The following MAPRE2 variants were observed in gnomAD, a reference collection of about 807,000 sequenced individuals.
MAPRE2 encodes the protein microtubule associated protein RP/EB family member 2, also known as microtubule-associated protein RP/EB family member 2.
Under a neutral mutation model 43.2 loss-of-function variants are expected in MAPRE2, and 13 were observed. That is an observed-to-expected ratio of 0.30 (90% CI 0.20 to 0.48). The LOEUF is 0.48. Ranked by LOEUF, MAPRE2 falls within the 20% of genes least tolerant of loss-of-function variation. The pLI is 0.99. For synonymous variants in MAPRE2, 135 were observed against 148.8 expected (o/e 0.91, Z 0.68); for missense variants, 161 against 400.2 (o/e 0.40, Z 5.10).
chr18:35,048,593 A>G (rs1292304290), intron 1 of MAPRE2, among the ~76,000 whole-genome samples: 1 of 149,618 alleles, frequency 6.7e-6, no homozygotes, highest in Non-Finnish European at 1.5e-5. Flanking sequence ...ATATGTGTGT[A>G]TGTATACTAT....
Position 35,042,205 on chromosome 18 carries a change from A to G in MAPRE2, c.122+544A>G, listed in dbSNP as rs370123362. Among the ~76,000 whole-genome samples, 8 of 152,276 alleles carry G rather than the reference A, an allele frequency of 5.3e-5. No individual in the cohort carries two copies. In the East Asian group the frequency reaches 1.3e-3, roughly 26 times the overall value. ...GGTGCAGGGATTGACAGCAGAGGTG[A>G]TAGTGTCAGACATTCACCAAAATTT... On this transcript the variant is annotated intron_variant, in intron 1 of 6. Transcript: ENST00000300249.
intron 4 of MAPRE2, among the ~76,000 whole-genome samples, chr18:35,114,513 A>G (rs1909320912): frequency 6.6e-6 from 1 of 152,208 alleles, no homozygotes; most frequent in South Asian, 2.1e-4. Flanking sequence ...GCTCAAAAGC[A>G]GAAGTGTATA....
chr18:35,012,642 AC>A (rs1485118270), intron 2 of MAPRE2, among the ~76,000 whole-genome samples: 2 of 152,224 alleles, frequency 1.3e-5, no homozygotes, highest in African/African-American at 4.8e-5. Context: ...TACACCAGTC[AC>A]AAAAAGACAA....
At chr18:35,010,417 A>G (rs956413592) in intron 2 of MAPRE2, among the ~76,000 whole-genome samples, 3 of 152,080 alleles carry the variant, frequency 2.0e-5, no homozygotes, top group Non-Finnish European at 2.9e-5. Context: ...ACTAAGCTCC[A>G]CTCTCATCTT....
chr18:34,987,831 CG>C (rs1453607535), intron 1 of MAPRE2, among the ~76,000 whole-genome samples: 6 of 151,940 alleles, frequency 3.9e-5, no homozygotes, highest in Non-Finnish European at 1.5e-5. Flanking sequence ...TTTGTAGAGA[CG>C]GGGTTTCACC....
At chr18:34,989,367 A>G (rs958519564) in intron 1 of MAPRE2, among the ~76,000 whole-genome samples, 1 of 151,988 alleles carries the variant, frequency 6.6e-6, no homozygotes, top group African/African-American at 2.4e-5. Flanking sequence ...TGGATGTCCT[A>G]GTTGATTCAA....
chr18:35,101,207 A>C (rs1908662355), intron 3 of MAPRE2, among the ~76,000 whole-genome samples: 1 of 152,174 alleles, frequency 6.6e-6, no homozygotes, highest in African/African-American at 2.4e-5. Flanking sequence ...AGAAGTACTA[A>C]ATATTCCAAG....
chr18:35,043,808 C>G (rs1250929403), intron 1 of MAPRE2, among the ~76,000 whole-genome samples: 2 of 152,082 alleles, frequency 1.3e-5, no homozygotes, highest in African/African-American at 4.8e-5. Context: ...CAGACACATT[C>G]GATGTTTTTC....
intron 2 of MAPRE2, among the ~76,000 whole-genome samples, chr18:35,032,614 G>A (rs150576595): frequency 6.6e-6 from 1 of 152,218 alleles, no homozygotes; most frequent in Non-Finnish European, 1.5e-5. Flanking sequence ...ATTAAAATTC[G>A]AGTTAATGCC....
At chr18:35,041,794 T>C (rs191559598) in intron 1 of MAPRE2, 133 bp downstream of exon 1, 1 of 1,509,478 alleles carries the variant, frequency 6.6e-7, no homozygotes, top group East Asian at 2.4e-5. Flanking sequence ...CGGTTGTGAT[T>C]ATTTGGTATC....
chr18:34,982,038 C>T (rs1384001523), intron 1 of MAPRE2, among the ~76,000 whole-genome samples: 2 of 151,812 alleles, frequency 1.3e-5, no homozygotes, highest in Admixed American at 6.6e-5. Flanking sequence ...CCCCCGCCAC[C>T]ACACCTGGCT....
At chr18:35,133,665 C>T (rs1168939689) in intron 6 of MAPRE2, among the ~76,000 whole-genome samples, 1 of 152,212 alleles carries the variant, frequency 6.6e-6, no homozygotes, top group African/African-American at 2.4e-5. Flanking sequence ...GCACTTCAAA[C>T]GGGGAAACCC....
At chr18:35,057,499 A>AGTGTGTGC (rs1555914283) in intron 1 of MAPRE2, among the ~76,000 whole-genome samples, 52 of 82,192 alleles carry the variant, frequency 6.3e-4, no homozygotes, top group African/African-American at 3.3e-3. Context: ...TACTGCAAGG[A>AGTGTGTGC]GTGTGTGCGT....
At chr18:35,058,618 T>G (rs1044400892) in intron 1 of MAPRE2, among the ~76,000 whole-genome samples, 1 of 152,192 alleles carries the variant, frequency 6.6e-6, no homozygotes, top group Non-Finnish European at 1.5e-5. Flanking sequence ...GATATTAACA[T>G]ACCTTATATG....
chr18:34,997,859 G>C (rs1035178219), intron 1 of MAPRE2, among the ~76,000 whole-genome samples: 5 of 152,070 alleles, frequency 3.3e-5, no homozygotes, highest in Non-Finnish European at 5.9e-5. Flanking sequence ...TCAAGATCTG[G>C]GTGATGTGAT....
At chr18:35,138,279 T>C (rs652348) in intron 6 of MAPRE2, among the ~76,000 whole-genome samples, 37,994 of 151,896 alleles carry the variant, frequency 0.25, 6,779 homozygotes, top group African/African-American at 0.5. Context: ...TTAAGGAATT[T>C]GGGAGTGCAA....
intron 4 of MAPRE2, among the ~76,000 whole-genome samples, chr18:35,119,738 A>G (rs1318501742): frequency 6.6e-6 from 1 of 152,202 alleles, no homozygotes; most frequent in Non-Finnish European, 1.5e-5. Flanking sequence ...TATTTACATG[A>G]TGCAGTTGTG....
At chr18:35,021,631 C>T (rs969727379) in intron 2 of MAPRE2, among the ~76,000 whole-genome samples, 24 of 152,032 alleles carry the variant, frequency 1.6e-4, no homozygotes, top group African/African-American at 5.8e-4. Context: ...AGTGCAAGAG[C>T]TTTGGCGAAT....
intron 4 of MAPRE2, among the ~76,000 whole-genome samples, chr18:35,104,998 A>G (rs1330331171): frequency 6.6e-6 from 1 of 152,024 alleles, no homozygotes; most frequent in Admixed American, 6.6e-5. Context: ...CCACGATCAT[A>G]ACCTGTCCTT....
Sources: gnomAD v4.1 joint callset for allele counts (sites outside exome capture counted in the v4.1 genomes callset) on GRCh38, gnomAD v4.1.1 for gene constraint, MANE v1.5 for transcripts, NCBI Gene and HGNC (gene_info 2026-07-23, HGNC 2026-07-21) for gene names.